RNF216: variants seen among roughly 807,000 people sequenced by gnomAD.
RNF216 encodes the protein E3 ubiquitin-protein ligase RNF216.
A neutral mutation model predicts 110.8 loss-of-function variants in RNF216; 72 were observed. The ratio of observed to expected loss-of-function variants is 0.65; its 90% CI spans 0.54 to 0.79. RNF216 has a LOEUF of 0.79. Ranked by LOEUF, RNF216 falls within the 30% of genes least tolerant of loss-of-function variation. RNF216 has a pLI of 0.00. For missense variants in RNF216, 1,342 were observed against 1,141.2 expected, an observed-to-expected ratio of 1.18 and a Z score of -2.54; for synonymous variants, 495 against 407.5, an observed-to-expected ratio of 1.21 and a Z score of -2.59.
intron 2 of RNF216, among the ~76,000 whole-genome samples, chr7:5,757,125 C>A (rs1302828009): frequency 6.6e-6 from 1 of 152,150 alleles, no homozygotes; most frequent in Non-Finnish European, 1.5e-5. Context: ...CATTTGTTGA[C>A]CATGTTCTTC....
At chr7:5,700,177 A>G (rs184768034) in intron 13 of RNF216, among the ~76,000 whole-genome samples, 13 of 152,200 alleles carry the variant, frequency 8.5e-5, no homozygotes, top group Non-Finnish European at 1.9e-4. Flanking sequence ...AAGGCTGGAA[A>G]CCCTGCAGTG....
At chr7:5,733,913 T>A (rs1370774805) in intron 5 of RNF216, among the ~76,000 whole-genome samples, 9 of 152,236 alleles carry the variant, frequency 5.9e-5, no homozygotes, top group Admixed American at 5.9e-4. Context: ...AAGAAAGTTT[T>A]CATTGTAAAA....
chr7:5,625,206 T>G (rs74510355), intron 15 of RNF216, among the ~76,000 whole-genome samples: 2,892 of 152,280 alleles, frequency 0.019, 84 homozygotes, highest in African/African-American at 0.064. Flanking sequence ...AGGAAAGAGA[T>G]AGCTGACTAT....
intron 13 of RNF216, among the ~76,000 whole-genome samples, chr7:5,706,257 A>T (rs192833322): frequency 6.6e-6 from 1 of 152,184 alleles, no homozygotes; most frequent in Non-Finnish European, 1.5e-5. Flanking sequence ...GAAAACACAC[A>T]ATACAAAAAC....
chr7:5,663,089 C>T (rs150003662), intron 13 of RNF216, among the ~76,000 whole-genome samples: 4 of 152,256 alleles, frequency 2.6e-5, no homozygotes, highest in East Asian at 1.9e-4. Flanking sequence ...CCAAATGACC[C>T]GGGAAGAGCT....
At chr7:5,632,715 T>G (rs1026445775) in intron 15 of RNF216, among the ~76,000 whole-genome samples, 1 of 152,050 alleles carries the variant, frequency 6.6e-6, no homozygotes, top group Non-Finnish European at 1.5e-5. Context: ...AGGCACAGGT[T>G]GCAGTGAGCC....
At chr7:5,653,629 TA>T (rs1055841626) in intron 13 of RNF216, among the ~76,000 whole-genome samples, 16 of 133,622 alleles carry the variant, frequency 1.2e-4, no homozygotes, top group Admixed American at 3.0e-4. Flanking sequence ...AAAAAAGAAT[TA>T]AAAAAAAATG....
At position 5,621,780 on chromosome 7, in the gene RNF216, C is replaced by T. The variant is rs852438; in HGVS notation, c.*1080G>A. On this transcript the variant is annotated 3_prime_UTR_variant, in exon 17 of 17. Transcript: ENST00000389902. ...TGGGCCAGAGTGATGCCTCAGGCACCGCTAGAAACCCAGGGCCGGACAGGA... is the reference window on the plus strand; with the variant it reads ...TGGGCCAGAGTGATGCCTCAGGCACTGCTAGAAACCCAGGGCCGGACAGGA... The T allele has an allele frequency of 6.6e-6, 1 of 152,670 alleles. No homozygotes were observed. Among genetic ancestry groups the T allele is most frequent in the Admixed American group, 6.5e-5 (1 of 15,290 alleles). 9.5% of individuals were successfully genotyped at this position (152,670 alleles called of 1,614,324 possible). A position where few individuals can be genotyped will look rare whatever the true frequency, so the allele number is the denominator to read the frequency against.
intron 1 of RNF216, among the ~76,000 whole-genome samples, chr7:5,776,916 A>AAAAGAG (rs1554268180): frequency 1.4e-5 from 2 of 147,414 alleles, no homozygotes; most frequent in African/African-American, 5.0e-5. Context: ...AAAAAAAAAA[A>AAAAGAG]AGAGAGAGAG....
chr7:5,670,628 C>T (rs150881970), intron 13 of RNF216, among the ~76,000 whole-genome samples: 5 of 152,308 alleles, frequency 3.3e-5, no homozygotes, highest in African/African-American at 1.2e-4. Flanking sequence ...ATCTCCACCC[C>T]TACTGCTTCA....
rs1220344334 is a variant in RNF216, at chr7:5,678,140, T to C, written c.2062-25630A>G. Among the ~76,000 whole-genome samples the C allele has an allele frequency of 2.6e-5, 4 of 152,146 alleles. No homozygotes were observed. The East Asian group carries it at 7.7e-4, about 29-fold the overall frequency. ...GCCAAAGGGCCCCGGCTACATAAAT[T>C]TGCCAATACTCAGGCATGTGCCCAA... On this transcript the variant is annotated intron_variant, in intron 13 of 16. Transcript: ENST00000389902.
intron 13 of RNF216, among the ~76,000 whole-genome samples, chr7:5,710,339 A>T (rs1792591933): frequency 6.6e-6 from 1 of 151,886 alleles, no homozygotes; most frequent in Admixed American, 6.6e-5. Context: ...CAGCCTGGGC[A>T]ACAGAGTGAG....
intron 13 of RNF216, among the ~76,000 whole-genome samples, chr7:5,692,010 A>C (rs950079182): frequency 6.6e-6 from 1 of 152,162 alleles, no homozygotes; most frequent in African/African-American, 2.4e-5. Flanking sequence ...CATACCTACA[A>C]ATCTCCATGT....
chr7:5,634,941 AAG>A (rs912909487), intron 15 of RNF216, among the ~76,000 whole-genome samples: 1 of 152,150 alleles, frequency 6.6e-6, no homozygotes, highest in Non-Finnish European at 1.5e-5. Flanking sequence ...TCCATGGGGA[AAG>A]AGTCTGGCGA....
chr7:5,771,378 C>T (rs990530906), intron 1 of RNF216, among the ~76,000 whole-genome samples: 4 of 152,076 alleles, frequency 2.6e-5, no homozygotes, highest in Non-Finnish European at 5.9e-5. Flanking sequence ...ACAGTACTAT[C>T]CATAAAAGAA....
intron 1 of RNF216, among the ~76,000 whole-genome samples, chr7:5,769,828 G>C (rs1057422950): frequency 7.9e-5 from 12 of 151,628 alleles, no homozygotes; most frequent in Admixed American, 5.9e-4. Flanking sequence ...CTTGAGGTCA[G>C]GAGTTTGAGA....
At chr7:5,650,345 G>A (rs767464473) in intron 14 of RNF216, among the ~76,000 whole-genome samples, 15 of 152,302 alleles carry the variant, frequency 9.8e-5, no homozygotes, top group Non-Finnish European at 2.1e-4. Flanking sequence ...AGACCAAGAC[G>A]CTGAGCGGAA....
chr7:5,750,272 A>T (rs529788918), intron 3 of RNF216, among the ~76,000 whole-genome samples: 1 of 152,322 alleles, frequency 6.6e-6, no homozygotes, highest in Non-Finnish European at 1.5e-5. Context: ...CAGATGCTGG[A>T]TACAGCACAC....
intron 14 of RNF216, among the ~76,000 whole-genome samples, chr7:5,651,789 C>G (rs1174811561): frequency 1.3e-5 from 2 of 152,134 alleles, no homozygotes; most frequent in Non-Finnish European, 2.9e-5. Flanking sequence ...GCTGGGATTA[C>G]AGGCAAGCGC....
Sources: allele counts gnomAD v4.1 joint callset (sites outside exome capture counted in the v4.1 genomes callset), GRCh38; gene constraint gnomAD v4.1.1; transcripts MANE v1.5; gene names NCBI Gene and HGNC (gene_info 2026-07-23, HGNC 2026-07-21).